Variants in HMGXB4 observed in about 807,000 individuals in gnomAD.
HMGXB4 encodes the protein HMG-box containing 4, also known as HMG domain-containing protein 4.
HMGXB4 carries 27 observed loss-of-function variants against 63.9 expected under a neutral mutation model. That is an observed-to-expected ratio of 0.42 (90% CI 0.31 to 0.58). HMGXB4 has a LOEUF of 0.58. Among genes scored for constraint, HMGXB4 ranks in the 20% least tolerant of loss-of-function variants. HMGXB4 has a pLI of 0.13. For synonymous variants in HMGXB4, 264 were observed against 265.3 expected, an observed-to-expected ratio of 0.99 and a Z score of 0.05; for missense variants, 624 against 700.7, an observed-to-expected ratio of 0.89 and a Z score of 1.24.
At chr22:35,289,348 A>C (rs533466061) in intron 9 of HMGXB4, among the ~76,000 whole-genome samples, 1 of 152,000 alleles carries the variant, frequency 6.6e-6, no homozygotes, top group Non-Finnish European at 1.5e-5. Context: ...AGTCCCAGCT[A>C]CTCGGAAGGC....
chr22:35,285,968 G>T, intron 6 of HMGXB4, 29 bp from the exon 7 acceptor site: 1 of 1,545,410 alleles, frequency 6.5e-7, no homozygotes, highest in Non-Finnish European at 8.9e-7. Flanking sequence ...ACCCTTTACT[G>T]TATTGAGTGT....
At chr22:35,250,668 G>A in the HMGXB4 span, among the ~76,000 whole-genome samples, 1 of 152,096 alleles carries the variant, frequency 6.6e-6, no homozygotes, top group Admixed American at 6.5e-5. Context: ...AATGACAGAG[G>A]AGCAAACCGG....
intron 5 of HMGXB4, among the ~76,000 whole-genome samples, chr22:35,281,372 A>G (rs764538318): frequency 1.1e-4 from 16 of 152,244 alleles, no homozygotes; most frequent in Non-Finnish European, 1.5e-4. Context: ...ACCACCACCC[A>G]GCACAGGTAC....
chr22:35,282,009 G>A (rs868560116), intron 5 of HMGXB4, among the ~76,000 whole-genome samples: 3 of 152,050 alleles, frequency 2.0e-5, no homozygotes, highest in Non-Finnish European at 2.9e-5. Flanking sequence ...ACAACATGAA[G>A]AACTAAGGCA....
chr22:35,267,800 T>C (rs1334835967), intron 5 of HMGXB4, among the ~76,000 whole-genome samples: 2 of 152,250 alleles, frequency 1.3e-5, no homozygotes, highest in African/African-American at 4.8e-5. Flanking sequence ...ATTTTCTTTT[T>C]GCTTTATCAT....
chr22:35,242,111 T>C, the HMGXB4 span, among the ~76,000 whole-genome samples: 1 of 152,246 alleles, frequency 6.6e-6, no homozygotes, highest in Non-Finnish European at 1.5e-5. Context: ...TTCTGGAAGA[T>C]ATTTTATAGA....
intron 1 of HMGXB4, 126 bp downstream of exon 1, chr22:35,257,683 C>A (rs1016838256): frequency 6.6e-5 from 10 of 152,336 alleles, no homozygotes; most frequent in African/African-American, 2.4e-4. Flanking sequence ...CCAGGCCCTT[C>A]GCGGCCTAGC....
chr22:35,277,666 G>A (rs1923993094), intron 5 of HMGXB4, among the ~76,000 whole-genome samples: 1 of 152,182 alleles, frequency 6.6e-6, no homozygotes, highest in Non-Finnish European at 1.5e-5. Context: ...TTCTATTCAT[G>A]TGAAATTTGT....
rs1601643118 is a variant in HMGXB4 at position 35,287,471 on chromosome 22, C to T, written c.1468+19C>T. The T allele has an allele frequency of 6.5e-7, 1 of 1,549,312 alleles. No individual in the cohort carries two copies. Among genetic ancestry groups the T allele is most frequent in the East Asian group, 2.3e-5 (1 of 43,986 alleles). On this transcript the variant is annotated intron_variant, in intron 8 of 10. Coordinates refer to ENST00000216106, the MANE Select transcript of HMGXB4 (RefSeq NM_001003681.3). ...GTCAAAGGTAGTGACCACATCCCGC[C>T]CCTGCTTTTCTCTAAAGCATGTGAA... is the stretch of plus-strand genomic sequence containing the variant.
At chr22:35,281,288 A>C (rs1213072775) in intron 5 of HMGXB4, among the ~76,000 whole-genome samples, 1 of 152,214 alleles carries the variant, frequency 6.6e-6, no homozygotes, top group Non-Finnish European at 1.5e-5. Flanking sequence ...TGTGTTTTCC[A>C]CTATTTTATG....
the HMGXB4 span, among the ~76,000 whole-genome samples, chr22:35,250,927 G>C: frequency 6.6e-6 from 1 of 152,140 alleles, no homozygotes; most frequent in African/African-American, 2.4e-5. Flanking sequence ...ACACCTGCAG[G>C]AAAGCTCAAG....
At chr22:35,289,742 A>T (rs1056195750) in intron 9 of HMGXB4, among the ~76,000 whole-genome samples, 5 of 152,240 alleles carry the variant, frequency 3.3e-5, no homozygotes, top group Admixed American at 3.3e-4. Context: ...AATTTCAAAA[A>T]TCACTTAACC....
At chr22:35,282,367 G>A (rs186165743) in intron 5 of HMGXB4, among the ~76,000 whole-genome samples, 304 of 152,140 alleles carry the variant, frequency 2.0e-3, no homozygotes, top group African/African-American at 4.5e-3. Flanking sequence ...TAGTAGAGAC[G>A]GGGTTTCACC....
the HMGXB4 span, among the ~76,000 whole-genome samples, chr22:35,244,117 T>C: frequency 1.3e-5 from 2 of 152,194 alleles, no homozygotes; most frequent in Non-Finnish European, 2.9e-5. Flanking sequence ...TTGGGAATTT[T>C]CAGCAATTAT....
At chr22:35,244,191 G>A in the HMGXB4 span, among the ~76,000 whole-genome samples, 2 of 151,960 alleles carry the variant, frequency 1.3e-5, no homozygotes, top group African/African-American at 4.8e-5. Context: ...TGATAGGAAT[G>A]TTGGATCTTT....
At chr22:35,292,599 C>T (rs887913689) in intron 9 of HMGXB4, among the ~76,000 whole-genome samples, 5 of 152,156 alleles carry the variant, frequency 3.3e-5, no homozygotes, top group African/African-American at 1.2e-4. Context: ...TTGTAGGATT[C>T]TCATAGTAAT....
chr22:35,281,026 T>C (rs1196398103), intron 5 of HMGXB4, among the ~76,000 whole-genome samples: 2 of 152,242 alleles, frequency 1.3e-5, no homozygotes, highest in Admixed American at 6.5e-5. Context: ...CTTATCTGTA[T>C]TCCCAGTGTC....
At chr22:35,290,675 G>A (rs5755691) in intron 9 of HMGXB4, among the ~76,000 whole-genome samples, 91,344 of 148,988 alleles carry the variant, frequency 0.61, 28,915 homozygotes, top group Non-Finnish European at 0.7. Flanking sequence ...CCCATTGGCA[G>A]TTATTCCCCA....
chr22:35,282,326 A>G lies in HMGXB4; in HGVS notation c.1216-1636A>G, dbSNP rs576273068. Reference sequence around the variant, plus strand: ...CGAGTAGCTGGGACTACAGGCGCCCACCACCATGCCCGGCTAATTTTTTAT... The same window carrying G: ...CGAGTAGCTGGGACTACAGGCGCCCGCCACCATGCCCGGCTAATTTTTTAT... On this transcript the variant is annotated intron_variant, in intron 5 of 10. Coordinates refer to ENST00000216106, the MANE Select transcript of HMGXB4 (RefSeq NM_001003681.3). Among the ~76,000 whole-genome samples the G allele has an allele frequency of 3.5e-3, 536 of 152,148 alleles. 1 individual carries two copies. Among genetic ancestry groups the G allele is most frequent in the Non-Finnish European group, 4.8e-3 (324 of 67,978 alleles).
Sources: gnomAD v4.1 joint callset for allele counts (sites outside exome capture counted in the v4.1 genomes callset) on GRCh38, gnomAD v4.1.1 for gene constraint, MANE v1.5 for transcripts, NCBI Gene and HGNC (gene_info 2026-07-23, HGNC 2026-07-21) for gene names.